Variants in MAML3 observed in about 807,000 individuals in gnomAD.
MAML3 encodes mastermind-like protein 3.
A neutral mutation model predicts 101.9 loss-of-function variants in MAML3; 27 were observed. The observed-to-expected ratio is 0.27, with a 90% CI of 0.20 to 0.37. MAML3 has a LOEUF of 0.37. MAML3 is among the 10% of genes least tolerant of loss of function. The probability of loss-of-function intolerance (pLI) is 1.00; values close to 1 mark genes in which losing one functional copy is unlikely to be tolerated. For synonymous variants in MAML3, 501 were observed against 555.9 expected, an observed-to-expected ratio of 0.90 and a Z score of 1.39; for missense variants, 1,316 against 1,444.9, an observed-to-expected ratio of 0.91 and a Z score of 1.45.
At chr4:139,867,036 T>G (rs1489476842) in intron 2 of MAML3, among the ~76,000 whole-genome samples, 1 of 152,246 alleles carries the variant, frequency 6.6e-6, no homozygotes, top group East Asian at 1.9e-4. Context: ...AAAAGAGGCT[T>G]GCTTTAATGA....
chr4:139,824,626 CA>C (rs1490044967), intron 2 of MAML3, among the ~76,000 whole-genome samples: 1 of 152,158 alleles, frequency 6.6e-6, no homozygotes, highest in African/African-American at 2.4e-5. Flanking sequence ...AGATGTTGAT[CA>C]AAATATTCAT....
At chr4:140,106,531 T>C (rs1728355094) in intron 1 of MAML3, among the ~76,000 whole-genome samples, 1 of 152,246 alleles carries the variant, frequency 6.6e-6, no homozygotes, top group Admixed American at 6.5e-5. Flanking sequence ...TATGCAACTG[T>C]GACCTTAACT....
At chr4:140,082,062 C>G (rs1727868415) in intron 1 of MAML3, among the ~76,000 whole-genome samples, 2 of 152,180 alleles carry the variant, frequency 1.3e-5, no homozygotes, top group African/African-American at 4.8e-5. Context: ...AACACACACT[C>G]AGTCTTTTCT....
intron 2 of MAML3, among the ~76,000 whole-genome samples, chr4:139,783,183 G>C (rs1427072186): frequency 2.0e-5 from 3 of 152,176 alleles, no homozygotes; most frequent in African/African-American, 7.2e-5. Flanking sequence ...CTGTAGCACA[G>C]GATAATGAAA....
rs528087667 is a variant in MAML3, at chr4:139,785,002, C to T, written c.2080-54335G>A. Among the ~76,000 whole-genome samples, 3 of 152,304 alleles carry T rather than the reference C, an allele frequency of 2.0e-5. No homozygotes were observed. The highest frequency in any genetic ancestry group is 4.8e-5 in the African/African-American group (2 of 41,562). On this transcript the variant is annotated intron_variant, in intron 2 of 4. Coordinates refer to ENST00000509479, the MANE Select transcript of MAML3 (RefSeq NM_018717.5). The surrounding 1 kb of genome is among the most constrained non-coding windows in gnomAD (Gnocchi z 4.3). ...AATGGTACTATGTACATACCTTATT[C>T]GGGTGATGTATACACTAAAAGCCCA...
At chr4:140,061,914 G>C (rs763273715) in intron 1 of MAML3, among the ~76,000 whole-genome samples, 7 of 152,124 alleles carry the variant, frequency 4.6e-5, no homozygotes, top group Non-Finnish European at 8.8e-5. Context: ...CAGACAGTTG[G>C]TGTGGCAGAA....
chr4:139,833,645 T>C (rs558897096), intron 2 of MAML3, among the ~76,000 whole-genome samples: 1 of 152,340 alleles, frequency 6.6e-6, no homozygotes, highest in African/African-American at 2.4e-5. Flanking sequence ...AAGTTTACCA[T>C]GCAAGAATTT....
intron 1 of MAML3, among the ~76,000 whole-genome samples, chr4:140,002,437 C>A (rs180807871): frequency 2.6e-5 from 4 of 152,216 alleles, no homozygotes; most frequent in Admixed American, 6.5e-5. Context: ...GAGGTGGAAG[C>A]AAAAGCAGAA....
intron 2 of MAML3, among the ~76,000 whole-genome samples, chr4:139,802,667 A>T (rs1730629615): frequency 6.6e-6 from 1 of 152,192 alleles, no homozygotes; most frequent in Non-Finnish European, 1.5e-5. Flanking sequence ...CTTCCTGGTG[A>T]GGCTGCCTTG....
chr4:140,153,284 C>A lies in MAML3; in HGVS notation c.44G>T (p.Ser15Ile). The change falls in exon 1 of 5, where the codon AGT (serine) becomes ATT (isoleucine). Residue 15 changes from serine to isoleucine, a missense_variant. By Grantham distance (142) the Ser-to-Ile change is moderately radical. Coordinates refer to ENST00000509479, the MANE Select transcript of MAML3 (RefSeq NM_018717.5). Reference protein sequence around the residue: ...AAPAAAANGSSICINSSLNSS... With the variant: ...AAPAAAANGSIICINSSLNSS... ...GTTCAGGCTACTGTTGATGCAAATA[C>A]TACTGCCATTCGCGGCAGCAGCGGG... is the stretch of plus-strand genomic sequence containing the variant. 1 of 1,605,668 alleles carries A rather than the reference C, an allele frequency of 6.2e-7. No homozygotes were observed. The highest frequency in any genetic ancestry group is 8.5e-7 in the Non-Finnish European group (1 of 1,175,796).
At position 140,085,061 on chromosome 4, in the gene MAML3, G is replaced by A. The variant is rs6855506; in HGVS notation, c.468+67799C>T. 4.1e-3 allele frequency among the ~76,000 whole-genome samples: 620 copies of A among 152,140 alleles called. 9 individuals are homozygous for A. The highest frequency in any genetic ancestry group is 0.014 in the African/African-American group (593 of 41,494). ...CTGAATATCCCCTCTGATGCTTCTGGCATCCCAGTATCTGCCCCCAGACCA... is the reference window on the plus strand; with the variant it reads ...CTGAATATCCCCTCTGATGCTTCTGACATCCCAGTATCTGCCCCCAGACCA... On this transcript the variant is annotated intron_variant, in intron 1 of 4. Transcript: ENST00000509479.
At chr4:140,100,165 C>A (rs1176778429) in intron 1 of MAML3, among the ~76,000 whole-genome samples, 2 of 152,068 alleles carry the variant, frequency 1.3e-5, no homozygotes, top group African/African-American at 4.8e-5. Context: ...CCCACTCCAC[C>A]CCCTCCCATC....
chr4:140,059,626 C>T (rs1025514204), intron 1 of MAML3, among the ~76,000 whole-genome samples: 7 of 152,178 alleles, frequency 4.6e-5, no homozygotes, highest in Non-Finnish European at 8.8e-5. Flanking sequence ...GGAATTACCA[C>T]ATCTAGGCCA....
At chr4:140,004,668 G>A (rs1047467308) in intron 1 of MAML3, among the ~76,000 whole-genome samples, 1 of 152,046 alleles carries the variant, frequency 6.6e-6, no homozygotes, top group Non-Finnish European at 1.5e-5. Context: ...GAGACTCGCA[G>A]GGAGACAATG....
intron 2 of MAML3, among the ~76,000 whole-genome samples, chr4:139,861,974 T>G (rs931841590): frequency 6.6e-6 from 1 of 152,038 alleles, no homozygotes; most frequent in Non-Finnish European, 1.5e-5. Flanking sequence ...TTTGGGAGGC[T>G]GAGGGGGGTG....
chr4:140,068,011 G>A (rs374637461), intron 1 of MAML3, among the ~76,000 whole-genome samples: 2 of 152,134 alleles, frequency 1.3e-5, no homozygotes, highest in Admixed American at 6.5e-5. Flanking sequence ...AATTATAGAC[G>A]TGAGCCACCG....
intron 2 of MAML3, among the ~76,000 whole-genome samples, chr4:139,840,745 CTGG>C (rs1221369246): frequency 6.6e-6 from 1 of 152,192 alleles, no homozygotes; most frequent in Non-Finnish European, 1.5e-5. Flanking sequence ...GTCAGCAATG[CTGG>C]TGGTGCCAGA....
chr4:139,894,832 A>G (rs1438251932), intron 1 of MAML3, among the ~76,000 whole-genome samples: 1 of 152,246 alleles, frequency 6.6e-6, no homozygotes, highest in Non-Finnish European at 1.5e-5. Flanking sequence ...GAAGTATGGA[A>G]GATACTTGAA....
At chr4:140,039,485 C>T (rs1258379566) in intron 1 of MAML3, among the ~76,000 whole-genome samples, 1 of 152,170 alleles carries the variant, frequency 6.6e-6, no homozygotes, top group Non-Finnish European at 1.5e-5. Context: ...GAAGCATTAC[C>T]ATTCTCTGAA....
Sources: gnomAD v4.1 joint callset for allele counts (sites outside exome capture counted in the v4.1 genomes callset) on GRCh38, gnomAD v4.1.1 for gene constraint, Gnocchi (gnomAD v3.1) non-coding constraint, MANE v1.5 for transcripts, NCBI Gene and HGNC (gene_info 2026-07-23, HGNC 2026-07-21) for gene names.